Variants in ELAVL2 observed in about 807,000 individuals in gnomAD.
ELAVL2 encodes ELAV-like protein 2.
ELAVL2 carries 4 observed loss-of-function variants against 34.6 expected under a neutral mutation model. That is an observed-to-expected ratio of 0.12 (90% CI 0.06 to 0.26). The LOEUF (loss-of-function observed/expected upper bound fraction) is 0.26, where lower values mean the gene tolerates loss of function less well. Among genes scored for constraint, ELAVL2 ranks in the 10% least tolerant of loss-of-function variants. The pLI, the probability that ELAVL2 is intolerant of heterozygous loss-of-function variation, is 1.00. For synonymous variants in ELAVL2, 193 were observed against 154.8 expected, an observed-to-expected ratio of 1.25 and a Z score of -1.83; for missense variants, 432 against 442.8, an observed-to-expected ratio of 0.98 and a Z score of 0.22.
intron 3 of ELAVL2, among the ~76,000 whole-genome samples, chr9:23,730,250 G>A (rs944968058): frequency 2.0e-5 from 3 of 152,084 alleles, no homozygotes; most frequent in South Asian, 2.1e-4. Flanking sequence ...CCTCTCAAGA[G>A]AGAATCTACA....
intron 5 of ELAVL2, among the ~76,000 whole-genome samples, chr9:23,700,281 AG>A (rs2036734422): frequency 6.6e-6 from 1 of 152,214 alleles, no homozygotes. Context: ...ATGGCCAAAA[AG>A]GATATTTAAA....
chr9:23,740,065 G>C (rs1368188626), intron 2 of ELAVL2, among the ~76,000 whole-genome samples: 1 of 151,518 alleles, frequency 6.6e-6, no homozygotes, highest in African/African-American at 2.4e-5. Context: ...TTTTCTTCTT[G>C]AACACATTTT....
chr9:23,739,155 A>G (rs932684953), intron 2 of ELAVL2, among the ~76,000 whole-genome samples: 2 of 152,218 alleles, frequency 1.3e-5, no homozygotes, highest in Admixed American at 1.3e-4. Flanking sequence ...GTGCAGTAGG[A>G]AAATAAACCA....
At chr9:23,796,022 G>A (rs2060879344) in intron 1 of ELAVL2, among the ~76,000 whole-genome samples, 1 of 152,144 alleles carries the variant, frequency 6.6e-6, no homozygotes, top group Admixed American at 6.5e-5. Context: ...AAAACGAAGT[G>A]TACCCATTTT....
intron 1 of ELAVL2, among the ~76,000 whole-genome samples, chr9:23,800,647 T>C (rs2061466470): frequency 6.6e-6 from 1 of 152,114 alleles, no homozygotes; most frequent in Non-Finnish European, 1.5e-5. Context: ...TTTTGGGGAG[T>C]AGAGAATCAG....
At chr9:23,738,109 G>C (rs1240713308) in intron 2 of ELAVL2, among the ~76,000 whole-genome samples, 3 of 152,160 alleles carry the variant, frequency 2.0e-5, no homozygotes. Flanking sequence ...CATTATGTGT[G>C]TCTGTTCAGA....
chr9:23,747,343 T>C (rs12347299), intron 2 of ELAVL2, among the ~76,000 whole-genome samples: 1,602 of 152,210 alleles, frequency 0.011, 24 homozygotes, highest in African/African-American at 0.036. Context: ...TTCTGGGATT[T>C]TCCATTTAAT....
chr9:23,783,590 A>G (rs540248258), intron 1 of ELAVL2: 2 of 723,890 alleles, frequency 2.8e-6, no homozygotes, highest in Admixed American at 1.3e-4. Context: ...TGCCTCAAAT[A>G]TCAACACATT....
At chr9:23,776,704 C>G (rs1253294914) in intron 1 of ELAVL2, among the ~76,000 whole-genome samples, 2 of 145,442 alleles carry the variant, frequency 1.4e-5, no homozygotes, top group Non-Finnish European at 3.0e-5. Flanking sequence ...GAAATAATCC[C>G]TTCTCTACCT....
intron 2 of ELAVL2, among the ~76,000 whole-genome samples, chr9:23,739,738 G>A (rs1013730876): frequency 2.6e-5 from 4 of 151,866 alleles, no homozygotes; most frequent in Admixed American, 6.6e-5. Flanking sequence ...TTGCTTGTGC[G>A]ACCAGCTGGT....
At chr9:23,805,979 CAAGT>C (rs1274859338) in intron 1 of ELAVL2, among the ~76,000 whole-genome samples, 1 of 151,598 alleles carries the variant, frequency 6.6e-6, no homozygotes, top group Admixed American at 6.6e-5. Flanking sequence ...CTGGGTGGTC[CAAGT>C]AAATTAAACT....
chr9:23,690,739 G>C lies in ELAVL2; in HGVS notation c.*1818C>G, dbSNP rs2032909033. ...TAAGGGGAAGCATGTGAGCATCTCA[G>C]TTTATACAAAAAGCAGGACGTAACT... On this transcript the variant is annotated 3_prime_UTR_variant, in exon 7 of 7. Transcript: ENST00000397312. 6.6e-6 allele frequency: 1 copy of C among 152,518 alleles called. No homozygotes were observed. The highest frequency in any genetic ancestry group is 2.4e-5 in the African/African-American group (1 of 41,410). The allele number at this position is 152,518 out of a possible 1,614,324, so 9.4% of individuals were successfully genotyped here. A position where few individuals can be genotyped will look rare whatever the true frequency, so the allele number is the denominator to read the frequency against.
chr9:23,793,883 T>C (rs1305707503), intron 1 of ELAVL2, among the ~76,000 whole-genome samples: 2 of 152,084 alleles, frequency 1.3e-5, no homozygotes, highest in Non-Finnish European at 1.5e-5. Flanking sequence ...GCTTTGCTGA[T>C]CTTCTCTAAT....
chr9:23,728,321 A>G (rs998269790), intron 3 of ELAVL2, among the ~76,000 whole-genome samples: 1 of 152,162 alleles, frequency 6.6e-6, no homozygotes, highest in African/African-American at 2.4e-5. Flanking sequence ...ATGGGCTCCA[A>G]AAGATGAGAT....
intron 1 of ELAVL2, among the ~76,000 whole-genome samples, chr9:23,792,718 C>T (rs1001444173): frequency 6.6e-6 from 1 of 152,290 alleles, no homozygotes; most frequent in East Asian, 1.9e-4. Flanking sequence ...CAAAATGACC[C>T]ATAACCATCC....
chr9:23,758,103 C>T (rs1280523231), intron 2 of ELAVL2, among the ~76,000 whole-genome samples: 3 of 152,070 alleles, frequency 2.0e-5, no homozygotes, highest in Non-Finnish European at 4.4e-5. Context: ...TGGGTCCCAA[C>T]TGCTTCCCAG....
chr9:23,721,232 C>G (rs2043626731), intron 3 of ELAVL2, among the ~76,000 whole-genome samples: 2 of 152,284 alleles, frequency 1.3e-5, no homozygotes, highest in Middle Eastern at 3.4e-3. Context: ...TCCAAGAACC[C>G]AGACTGGCTG....
At chr9:23,813,042 A>C (rs1460841204) in intron 1 of ELAVL2, among the ~76,000 whole-genome samples, 2 of 152,174 alleles carry the variant, frequency 1.3e-5, no homozygotes, top group Non-Finnish European at 2.9e-5. Context: ...CACCAAAAGG[A>C]AGGCTCCACA....
chr9:23,746,745 T>G (rs1421626935), intron 2 of ELAVL2, among the ~76,000 whole-genome samples: 2 of 150,214 alleles, frequency 1.3e-5, no homozygotes, highest in African/African-American at 4.9e-5. Context: ...AGGACCCTAA[T>G]GAAATGTAAG....
Sources: allele counts gnomAD v4.1 joint callset (sites outside exome capture counted in the v4.1 genomes callset), GRCh38; gene constraint gnomAD v4.1.1; transcripts MANE v1.5; gene names NCBI Gene and HGNC (gene_info 2026-07-23, HGNC 2026-07-21).